The following KLHL23 variants were observed in gnomAD, a reference collection of about 807,000 sequenced individuals.
KLHL23 encodes the protein kelch like family member 23.
In KLHL23, 33 loss-of-function variants were observed where a neutral mutation model predicts 48.9. That is an observed-to-expected ratio of 0.67 (90% confidence interval 0.51 to 0.90). The LOEUF (loss-of-function observed/expected upper bound fraction) is 0.90. Ranked by LOEUF, KLHL23 falls within the 40% of genes least tolerant of loss-of-function variation. KLHL23 has a pLI of 0.00. For synonymous variants in KLHL23, 234 were observed against 231.6 expected (o/e 1.01, Z -0.09); for missense variants, 608 against 669.6 (o/e 0.91, Z 1.02).
intron 2 of KLHL23, 60 bp from the exon 3 acceptor site, chr2:169,741,325 G>T (rs2303556): frequency 0.11 from 169,810 of 1,547,744 alleles, 9,763 homozygotes; most frequent in Middle Eastern, 0.16. Flanking sequence ...TTTAGCCCAG[G>T]GTTCACTGCA....
At chr2:169,741,985 T>C (rs1233814446) in intron 3 of KLHL23, among the ~76,000 whole-genome samples, 1 of 152,218 alleles carries the variant, frequency 6.6e-6, no homozygotes, top group Non-Finnish European at 1.5e-5. Context: ...TCACTTACTA[T>C]TAAGCACTCA....
At chr2:169,737,725 C>T (rs775574725) in intron 2 of KLHL23, among the ~76,000 whole-genome samples, 1 of 151,908 alleles carries the variant, frequency 6.6e-6, no homozygotes, top group African/African-American at 2.4e-5. Flanking sequence ...AGCAGTTCTC[C>T]TGCCTCAGCC....
intron 3 of KLHL23, among the ~76,000 whole-genome samples, chr2:169,744,540 G>T (rs759122425): frequency 1.6e-4 from 24 of 151,036 alleles, no homozygotes; most frequent in Non-Finnish European, 2.8e-4. Flanking sequence ...GTCATGGAGA[G>T]CTTTGAATGG....
intron 2 of KLHL23, among the ~76,000 whole-genome samples, chr2:169,739,401 C>T (rs937133925): frequency 6.6e-6 from 1 of 152,164 alleles, no homozygotes; most frequent in Non-Finnish European, 1.5e-5. Context: ...GTATCCTTTG[C>T]TACATGGCTT....
At position 169,735,956 on chromosome 2, in the gene KLHL23, T is replaced by C; in HGVS notation, c.942T>C (p.Gly314=). Residue 314 remains glycine (G), a synonymous_variant, in exon 2 of 4, where the codon GGT becomes GGC. Coordinates refer to ENST00000392647, the MANE Select transcript of KLHL23 (RefSeq NM_144711.6). This position sits in a 1 kb window ranked among gnomAD's most constrained non-coding sequence, Gnocchi z 4.5. ...CAGATTATACCAGGGAGAGCTATGG[T>C]GTTACATGTTTAGGACCCAACATTT... ...EIPDYTRESY[G]VTCLGPNIYV... 3 of 1,614,206 alleles carry C rather than the reference T, an allele frequency of 1.9e-6. No individual in the cohort carries two copies. Among genetic ancestry groups the C allele is most frequent in the Non-Finnish European group, 2.5e-6 (3 of 1,180,026 alleles).
At chr2:169,748,887 C>A (rs544250556) in intron 3 of KLHL23, among the ~76,000 whole-genome samples, 6 of 151,864 alleles carry the variant, frequency 4.0e-5, no homozygotes, top group South Asian at 2.1e-4. Context: ...TCATGCCCCA[C>A]GAGTCTGGGT....
chr2:169,740,778 A>ATTATATAAATATATATATT (rs1688658965), intron 2 of KLHL23, among the ~76,000 whole-genome samples: 1 of 91,110 alleles, frequency 1.1e-5, no homozygotes, highest in Non-Finnish European at 2.3e-5. Context: ...ATATATATAT[A>ATTATATAAATATATATATT]TATATATATA....
At chr2:169,749,386 T>TA (rs753664386) in intron 3 of KLHL23, 36 bp from the exon 4 acceptor site, 38 of 1,522,652 alleles carry the variant, frequency 2.5e-5, no homozygotes, top group African/African-American at 2.8e-5. Flanking sequence ...TGTTATCCTT[T>TA]AAAAAAATGC....
rs1034913081 is a variant in KLHL23 at position 169,741,504 on chromosome 2, G to C, written c.1333G>C (p.Glu445Gln). The change falls in exon 3 of 4, where the codon GAA becomes CAA. Residue 445 changes from glutamate to glutamine, a missense_variant. Physicochemically the swap from Glu to Gln is conservative, Grantham distance 29. Coordinates refer to ENST00000392647, the MANE Select transcript of KLHL23 (RefSeq NM_144711.6). ...TCAGAGCTACAATTCCGATATCAAC[G>C]AATGGAGCCTCATCACCTCCAGTCC... ...KVQSYNSDINEWSLITSSPHP... is the reference protein window; with the variant it reads ...KVQSYNSDINQWSLITSSPHP... 1.9e-6 allele frequency: 3 copies of C among 1,613,766 alleles called. No homozygotes were observed. In the African/African-American group the frequency reaches 4.0e-5, roughly 22 times the overall value.
At chr2:169,737,575 G>A (rs1688548630) in intron 2 of KLHL23, among the ~76,000 whole-genome samples, 1 of 151,272 alleles carries the variant, frequency 6.6e-6, no homozygotes, top group African/African-American at 2.4e-5. Flanking sequence ...TGATATAACA[G>A]TTTCAATGGT....
Position 169,735,610 on chromosome 2 carries a change from C to T in KLHL23, c.596C>T (p.Ala199Val), listed in dbSNP as rs1212057546. 2 of 1,613,968 alleles carry T rather than the reference C, an allele frequency of 1.2e-6. No homozygotes were observed. The highest frequency in any genetic ancestry group is 1.7e-6 in the Non-Finnish European group (2 of 1,180,032). The change falls in exon 2 of 4, where the codon GCT (alanine) becomes GTT (valine). Residue 199 changes from alanine (A) to valine (V), a missense_variant. Coordinates refer to ENST00000392647, the MANE Select transcript of KLHL23 (RefSeq NM_144711.6). The surrounding 1 kb of genome is among the most constrained non-coding windows in gnomAD (Gnocchi z 4.5). ...AATCTCAGTGTTTGGAAAGAAGAAG[C>T]TATCATAGAGCCAGTTATTAAGTGG... ...RKNLSVWKEEAIIEPVIKWTA... is the reference protein window; with the variant it reads ...RKNLSVWKEEVIIEPVIKWTA...
In KLHL23 at chr2:169,735,606, G is replaced by A; in HGVS notation, c.592G>A (p.Glu198Lys). ...AAAGAATCTCAGTGTTTGGAAAGAA[G>A]AAGCTATCATAGAGCCAGTTATTAA... ...SRKNLSVWKE[E>K]AIIEPVIKWT... The change falls in exon 2 of 4, where the codon GAA becomes AAA. Residue 198 changes from glutamate (E) to lysine (K), a missense_variant. Physicochemically the swap from Glu to Lys is moderately conservative, Grantham distance 56. Coordinates refer to ENST00000392647, the MANE Select transcript of KLHL23 (RefSeq NM_144711.6). This position sits in a 1 kb window ranked among gnomAD's most constrained non-coding sequence, Gnocchi z 4.5. 4.3e-6 allele frequency: 7 copies of A among 1,613,972 alleles called. No individual in the cohort carries two copies. The highest frequency in any genetic ancestry group is 5.9e-6 in the Non-Finnish European group (7 of 1,180,024).
intron 2 of KLHL23, among the ~76,000 whole-genome samples, chr2:169,739,223 T>G (rs1314376857): frequency 2.0e-5 from 3 of 151,600 alleles, no homozygotes; most frequent in Non-Finnish European, 2.9e-5. Flanking sequence ...TGCTCTTCCC[T>G]CCATACCCAA....
rs1172306723 is a variant in KLHL23, at chr2:169,741,538, G to T, written c.1366+1G>T. On this transcript the variant is annotated splice_donor_variant, in intron 3 of 3. Coordinates refer to ENST00000392647, the MANE Select transcript of KLHL23 (RefSeq NM_144711.6). LOFTEE classifies it high-confidence loss of function. ...CTCATCACCTCCAGTCCACATCCAG[G>T]TAACAAAAATACTGTCTCAAATAGT... 1 of 1,611,770 alleles carries T rather than the reference G, an allele frequency of 6.2e-7. No individual in the cohort carries two copies. The highest frequency in any genetic ancestry group is 8.5e-7 in the Non-Finnish European group (1 of 1,178,674).
At chr2:169,741,777 G>C (rs1435789699) in intron 3 of KLHL23, among the ~76,000 whole-genome samples, 1 of 152,176 alleles carries the variant, frequency 6.6e-6, no homozygotes, top group African/African-American at 2.4e-5. Flanking sequence ...TTGTAAGTCT[G>C]TGTGGTCAAA....
In KLHL23 at chr2:169,749,930, TACACACAC is replaced by T. The variant is rs1169471797; in HGVS notation, c.*202_*209del. On this transcript the variant is annotated 3_prime_UTR_variant, in exon 4 of 4. Coordinates refer to ENST00000392647, the MANE Select transcript of KLHL23 (RefSeq NM_144711.6). Reference sequence around the variant, plus strand: ...GAAAAATCTTATATATATATATATATACACACACACATATATGTGTTCATATATATGTA... The same window carrying T: ...GAAAAATCTTATATATATATATATATACATATATGTGTTCATATATATGTA... 21 of 86,220 alleles carry T rather than the reference TACACACAC, an allele frequency of 2.4e-4. No individual in the cohort carries two copies. The highest frequency in any genetic ancestry group is 6.8e-4 in the African/African-American group (10 of 14,632). The allele number at this position is 86,220 out of a possible 1,614,324, so 5.3% of individuals were successfully genotyped here. A position where few individuals can be genotyped will look rare whatever the true frequency, so the allele number is the denominator to read the frequency against.
At chr2:169,749,327 T>C in intron 3 of KLHL23, 95 bp from the exon 4 acceptor site, 1 of 1,331,938 alleles carries the variant, frequency 7.5e-7, no homozygotes, top group South Asian at 1.6e-5. Context: ...TTTTGTGTGC[T>C]AAATTTTAAA....
chr2:169,744,579 G>C (rs1300979118), intron 3 of KLHL23, among the ~76,000 whole-genome samples: 1 of 148,286 alleles, frequency 6.7e-6, no homozygotes, highest in Non-Finnish European at 1.5e-5. Flanking sequence ...TTTTTTTTGA[G>C]ATGGAGTCTT....
intron 3 of KLHL23, among the ~76,000 whole-genome samples, chr2:169,745,016 G>A (rs1422131268): frequency 6.6e-6 from 1 of 151,524 alleles, no homozygotes; most frequent in African/African-American, 2.4e-5. Flanking sequence ...TGGGTTCAGC[G>A]ATTCTTGTGT....
Sources: allele counts gnomAD v4.1 joint callset (sites outside exome capture counted in the v4.1 genomes callset), GRCh38; gene constraint gnomAD v4.1.1; non-coding constraint Gnocchi (gnomAD v3.1); transcripts MANE v1.5; gene names NCBI Gene and HGNC (gene_info 2026-07-23, HGNC 2026-07-21).